The following TRPM3 variants were observed in gnomAD, a reference collection of about 807,000 sequenced individuals.
TRPM3 encodes transient receptor potential cation channel subfamily M member 3.
In TRPM3, 77 loss-of-function variants were observed where a neutral mutation model predicts 181.2. That is an observed-to-expected ratio of 0.42 (90% confidence interval 0.35 to 0.51). The LOEUF (loss-of-function observed/expected upper bound fraction) is 0.51. Ranked by LOEUF, TRPM3 falls within the 20% of genes least tolerant of loss-of-function variation. TRPM3 has a pLI of 0.01. For synonymous variants in TRPM3, 745 were observed against 796.4 expected (o/e 0.94, Z 1.09); for missense variants, 1,759 against 2,196.7 (o/e 0.80, Z 3.98).
At chr9:70,560,225 T>C (rs1382635706) in intron 22 of TRPM3, among the ~76,000 whole-genome samples, 2 of 152,252 alleles carry the variant, frequency 1.3e-5, no homozygotes, top group East Asian at 3.9e-4. Context: ...ACACAGCTAA[T>C]AAGGGGATAA....
chr9:71,153,574 C>A (rs994700136), intron 1 of TRPM3, among the ~76,000 whole-genome samples: 4 of 152,046 alleles, frequency 2.6e-5, no homozygotes, highest in Non-Finnish European at 5.9e-5. Flanking sequence ...CGAGCCACCA[C>A]GCCCGGCCAA....
intron 1 of TRPM3, among the ~76,000 whole-genome samples, chr9:71,309,137 C>CGAG (rs990238731): frequency 3.3e-5 from 5 of 152,072 alleles, no homozygotes; most frequent in Non-Finnish European, 7.4e-5. Context: ...TAATGTGCAT[C>CGAG]GAGTAGTGTT....
intron 1 of TRPM3, among the ~76,000 whole-genome samples, chr9:71,237,382 G>C (rs1421732825): frequency 1.3e-5 from 2 of 151,794 alleles, no homozygotes; most frequent in African/African-American, 4.8e-5. Flanking sequence ...TTCCCTTCTT[G>C]GGATTTTAAA....
chr9:70,823,479 G>A (rs942294526), intron 6 of TRPM3, among the ~76,000 whole-genome samples: 3 of 152,138 alleles, frequency 2.0e-5, no homozygotes, highest in Non-Finnish European at 4.4e-5. Flanking sequence ...ACAGCCAGCC[G>A]CTTGCTTCAT....
chr9:70,655,949 T>G (rs2060280824), intron 9 of TRPM3, among the ~76,000 whole-genome samples: 1 of 152,210 alleles, frequency 6.6e-6, no homozygotes, highest in Non-Finnish European at 1.5e-5. Context: ...GTACACAACG[T>G]TTCACTACTG....
chr9:71,018,539 C>T (rs977661919), intron 1 of TRPM3, among the ~76,000 whole-genome samples: 2 of 151,338 alleles, frequency 1.3e-5, no homozygotes, highest in Non-Finnish European at 3.0e-5. Flanking sequence ...TATTTGTATG[C>T]CAATAACTTA....
intron 8 of TRPM3, among the ~76,000 whole-genome samples, chr9:70,700,048 T>A (rs1189440416): frequency 6.6e-6 from 1 of 152,122 alleles, no homozygotes; most frequent in African/African-American, 2.4e-5. Context: ...AATGGTGTGA[T>A]CTTGGTTCAC....
At chr9:71,021,262 G>A (rs1378174280) in intron 1 of TRPM3, among the ~76,000 whole-genome samples, 1 of 152,194 alleles carries the variant, frequency 6.6e-6, no homozygotes, top group Non-Finnish European at 1.5e-5. Context: ...TGAGATTTTG[G>A]GAGGTGCTGG....
chr9:70,592,365 G>A (rs2058269008), intron 21 of TRPM3, among the ~76,000 whole-genome samples: 2 of 152,184 alleles, frequency 1.3e-5, no homozygotes, highest in Admixed American at 1.3e-4. Context: ...AGTTCCTTGT[G>A]TCTCTGTAAT....
intron 1 of TRPM3, among the ~76,000 whole-genome samples, chr9:71,223,599 C>T (rs898243650): frequency 6.6e-6 from 1 of 152,204 alleles, no homozygotes; most frequent in East Asian, 1.9e-4. Flanking sequence ...CAAGCAGGCT[C>T]TTGGGGTCCC....
At chr9:71,193,287 T>C (rs1587873750) in intron 1 of TRPM3, among the ~76,000 whole-genome samples, 1 of 151,930 alleles carries the variant, frequency 6.6e-6, no homozygotes, top group Admixed American at 6.6e-5. Context: ...TTCCACCTCC[T>C]TGACTCTCCT....
chr9:71,361,754 G>T (rs2092154895), intron 1 of TRPM3, among the ~76,000 whole-genome samples: 1 of 152,132 alleles, frequency 6.6e-6, no homozygotes, highest in African/African-American at 2.4e-5. Flanking sequence ...GTATGAAATT[G>T]CTCTAAACTT....
intron 1 of TRPM3, among the ~76,000 whole-genome samples, chr9:71,021,507 G>T (rs2097847128): frequency 6.6e-6 from 1 of 152,110 alleles, no homozygotes; most frequent in Admixed American, 6.6e-5. Flanking sequence ...TAGACAAGGG[G>T]TTGTTACTTA....
chr9:70,792,774 G>A (rs1052683562), intron 6 of TRPM3, among the ~76,000 whole-genome samples: 1 of 151,998 alleles, frequency 6.6e-6, no homozygotes, highest in Non-Finnish European at 1.5e-5. Context: ...CTATTCACCA[G>A]GGGTAGATAG....
At chr9:71,056,210 A>T (rs1239394589) in intron 1 of TRPM3, among the ~76,000 whole-genome samples, 1 of 152,038 alleles carries the variant, frequency 6.6e-6, no homozygotes, top group Non-Finnish European at 1.5e-5. Flanking sequence ...TATTAATATT[A>T]TATTCTAGTG....
In TRPM3 at chr9:70,834,950, G is replaced by A. The variant is rs547216431; in HGVS notation, c.802-6932C>T. Among the ~76,000 whole-genome samples the A allele has an allele frequency of 1.6e-4, 24 of 152,304 alleles. No individual in the cohort carries two copies. The South Asian group carries it at 4.4e-3, about 28-fold the overall frequency. ...ATGTAATCCCCAATGTTAGAGGTGA[G>A]GCTTGGTGGGAAGTGTCTGGGTCAT... On this transcript the variant is annotated intron_variant, in intron 5 of 25. Coordinates refer to ENST00000677713, the MANE Select transcript of TRPM3 (RefSeq NM_001366145.2).
At chr9:71,363,562 C>T (rs1313366582) in intron 1 of TRPM3, among the ~76,000 whole-genome samples, 1 of 152,186 alleles carries the variant, frequency 6.6e-6, no homozygotes, top group Non-Finnish European at 1.5e-5. Flanking sequence ...ACTTTTCTGG[C>T]TCTATCCACC....
rs549462171 is a variant in TRPM3, at chr9:70,974,568, A to C, written c.178-110057T>G. On this transcript the variant is annotated intron_variant, in intron 1 of 25. Transcript: ENST00000677713. ...CAAACAAACAAACAAACAAACAAAC[A>C]AATACAAAAAATTAGCTGGGCGTGG... 9.9e-5 allele frequency among the ~76,000 whole-genome samples: 15 copies of C among 151,028 alleles called. No individual in the cohort carries two copies. The South Asian group carries it at 3.2e-3, about 32-fold the overall frequency.
At chr9:70,594,507 A>C (rs974103712) in intron 21 of TRPM3, among the ~76,000 whole-genome samples, 4 of 152,144 alleles carry the variant, frequency 2.6e-5, no homozygotes, top group Non-Finnish European at 5.9e-5. Context: ...TTTATTCTGA[A>C]TTATGTAAGT....
Sources: gnomAD v4.1 joint callset for allele counts (sites outside exome capture counted in the v4.1 genomes callset) on GRCh38, gnomAD v4.1.1 for gene constraint, MANE v1.5 for transcripts, NCBI Gene and HGNC (gene_info 2026-07-23, HGNC 2026-07-21) for gene names.